The following EPC2 variants were observed in gnomAD, a reference collection of about 807,000 sequenced individuals.
EPC2 encodes enhancer of polycomb 2.
A neutral mutation model predicts 92.1 loss-of-function variants in EPC2; 14 were observed. The ratio of observed to expected loss-of-function variants is 0.15; its 90% CI spans 0.10 to 0.24. EPC2 has a LOEUF of 0.24. Ranked by LOEUF, EPC2 falls within the 10% of genes least tolerant of loss-of-function variation. The pLI is 1.00. For synonymous variants in EPC2, 340 were observed against 334.7 expected (o/e 1.02, Z -0.17); for missense variants, 755 against 971.5 (o/e 0.78, Z 2.96).
At chr2:148,745,930 G>A (rs1682977593) in intron 3 of EPC2, among the ~76,000 whole-genome samples, 1 of 152,038 alleles carries the variant, frequency 6.6e-6, no homozygotes, top group African/African-American at 2.4e-5. Context: ...AACTCCTGTT[G>A]TCAAATGCTG....
intron 10 of EPC2, among the ~76,000 whole-genome samples, chr2:148,777,554 A>G (rs1453070129): frequency 6.6e-6 from 1 of 150,402 alleles, no homozygotes; most frequent in Non-Finnish European, 1.5e-5. Context: ...AAGATTTCCC[A>G]TATACTCAAG....
At chr2:148,697,872 C>T (rs897303226) in intron 2 of EPC2, among the ~76,000 whole-genome samples, 16 of 152,104 alleles carry the variant, frequency 1.1e-4, no homozygotes, top group Admixed American at 3.9e-4. Context: ...AAAATAATTC[C>T]ACAATTTGAA....
chr2:148,756,776 G>C (rs868333225), intron 4 of EPC2, among the ~76,000 whole-genome samples: 1 of 152,216 alleles, frequency 6.6e-6, no homozygotes. Flanking sequence ...ATAGTTAAGA[G>C]AGGAAATTCC....
chr2:148,665,858 TTC>T (rs1346523729), intron 1 of EPC2, among the ~76,000 whole-genome samples: 1 of 152,196 alleles, frequency 6.6e-6, no homozygotes, highest in Non-Finnish European at 1.5e-5. Context: ...TAATATAAAA[TTC>T]TAAAAGGAAT....
intron 1 of EPC2, among the ~76,000 whole-genome samples, chr2:148,660,476 C>T (rs1365122379): frequency 6.6e-6 from 1 of 151,462 alleles, no homozygotes; most frequent in Non-Finnish European, 1.5e-5. Flanking sequence ...AGCATCAATT[C>T]TTATTTGTTA....
chr2:148,709,651 T>C (rs541063362), intron 2 of EPC2, among the ~76,000 whole-genome samples: 3 of 152,116 alleles, frequency 2.0e-5, no homozygotes, highest in South Asian at 2.1e-4. Context: ...AACAGAGATA[T>C]AAACCAACAG....
chr2:148,711,105 CTTTTT>C (rs200421207), intron 2 of EPC2, among the ~76,000 whole-genome samples: 1 of 150,962 alleles, frequency 6.6e-6, no homozygotes, highest in Non-Finnish European at 1.5e-5. Flanking sequence ...AATTTCTCCT[CTTTTT>C]TTTTCTTCAC....
intron 7 of EPC2, 117 bp from the exon 8 acceptor site, chr2:148,769,034 A>T: frequency 1.4e-6 from 1 of 701,074 alleles, no homozygotes; most frequent in Non-Finnish European, 2.5e-6. Flanking sequence ...TTCAGTACTT[A>T]TGATATGTAA....
At chr2:148,646,677 A>G (rs1167623085) in intron 1 of EPC2, among the ~76,000 whole-genome samples, 1 of 152,116 alleles carries the variant, frequency 6.6e-6, no homozygotes, top group African/African-American at 2.4e-5. Context: ...ATTATATACA[A>G]TAGTTAATTA....
chr2:148,651,483 TA>T (rs1159830648), intron 1 of EPC2, among the ~76,000 whole-genome samples: 9 of 152,126 alleles, frequency 5.9e-5, no homozygotes, highest in African/African-American at 2.2e-4. Flanking sequence ...GGAGTAAAAA[TA>T]GGGGTGGAGA....
chr2:148,703,434 C>A (rs1287828080), intron 2 of EPC2, among the ~76,000 whole-genome samples: 1 of 27,360 alleles, frequency 3.7e-5, no homozygotes, highest in African/African-American at 7.4e-5. Flanking sequence ...ATCAGAATCA[C>A]CTGTTTGGTT....
intron 2 of EPC2, among the ~76,000 whole-genome samples, chr2:148,716,744 G>T (rs1394487481): frequency 2.0e-5 from 3 of 152,264 alleles, no homozygotes; most frequent in African/African-American, 7.2e-5. Context: ...TCAGGATGAT[G>T]CAGGCCTTAT....
chr2:148,761,634 T>C (rs1683302028), intron 4 of EPC2, 148 bp from the exon 5 acceptor site: 5 of 471,138 alleles, frequency 1.1e-5, no homozygotes, highest in Admixed American at 4.5e-5. Flanking sequence ...TAAATAGTTA[T>C]AGGTTATCTT....
rs1047713352 is a variant in EPC2, at chr2:148,786,523, A to T, written c.*146A>T. On this transcript the variant is annotated 3_prime_UTR_variant, in exon 14 of 14. Coordinates refer to ENST00000258484, the MANE Select transcript of EPC2 (RefSeq NM_015630.4). ...ATATTGGATGTTAAATCCATATATGATGTATATTTTGTAAAATTGGGAAAA... is the reference window on the plus strand; with the variant it reads ...ATATTGGATGTTAAATCCATATATGTTGTATATTTTGTAAAATTGGGAAAA... 2 of 516,346 alleles carry T rather than the reference A, an allele frequency of 3.9e-6. No homozygotes were observed. Among genetic ancestry groups the T allele is most frequent in the Admixed American group, 3.9e-5 (1 of 25,934 alleles). The allele number at this position is 516,346 out of a possible 1,614,324, so 32.0% of individuals were successfully genotyped here. A position where few individuals can be genotyped will look rare whatever the true frequency, so the allele number is the denominator to read the frequency against.
chr2:148,744,997 C>CT (rs1042319647), intron 3 of EPC2, among the ~76,000 whole-genome samples: 1 of 124,810 alleles, frequency 8.0e-6, no homozygotes, highest in African/African-American at 2.7e-5. Flanking sequence ...TTGCCCCCCC[C>CT]CCCCGCACCA....
At chr2:148,679,603 T>A (rs375004624) in intron 1 of EPC2, among the ~76,000 whole-genome samples, 2 of 152,148 alleles carry the variant, frequency 1.3e-5, no homozygotes, top group East Asian at 1.9e-4. Flanking sequence ...TTCTTTGATG[T>A]TGTTTGTTGT....
intron 2 of EPC2, among the ~76,000 whole-genome samples, chr2:148,721,036 T>C (rs1682362268): frequency 6.6e-6 from 1 of 152,124 alleles, no homozygotes; most frequent in Non-Finnish European, 1.5e-5. Context: ...AATATATTGT[T>C]CCTATTATTG....
chr2:148,782,265 G>A (rs767137115), intron 11 of EPC2, among the ~76,000 whole-genome samples: 18 of 152,064 alleles, frequency 1.2e-4, no homozygotes, highest in Non-Finnish European at 2.4e-4. Context: ...AACCAGGCAC[G>A]GTGGCTCATG....
At position 148,727,899 on chromosome 2, in the gene EPC2, C is replaced by T. The variant is rs552932182; in HGVS notation, c.314-15723C>T. On this transcript the variant is annotated intron_variant, in intron 2 of 13. Coordinates refer to ENST00000258484, the MANE Select transcript of EPC2 (RefSeq NM_015630.4). ...TAAACTCACTTCTGTACACTCTCCACTCCAACCACCCCTCCTTTATAAGTG... is the reference window on the plus strand; with the variant it reads ...TAAACTCACTTCTGTACACTCTCCATTCCAACCACCCCTCCTTTATAAGTG... Among the ~76,000 whole-genome samples, 45 of 152,336 alleles carry T rather than the reference C, an allele frequency of 3.0e-4. 2 individuals are homozygous for T. Among genetic ancestry groups the T allele is most frequent in the South Asian group, 4.1e-4 (2 of 4,830 alleles).
Sources: gnomAD v4.1 joint callset for allele counts (sites outside exome capture counted in the v4.1 genomes callset) on GRCh38, gnomAD v4.1.1 for gene constraint, MANE v1.5 for transcripts, NCBI Gene and HGNC (gene_info 2026-07-23, HGNC 2026-07-21) for gene names.